IQCM: variants seen among roughly 807,000 people sequenced by gnomAD.
IQCM encodes IQ motif containing M, also known as IQ domain-containing protein M.
IQCM carries 45 observed loss-of-function variants against 57.6 expected under a neutral mutation model. The observed-to-expected ratio is 0.78, with a 90% CI of 0.62 to 1.00. The LOEUF (loss-of-function observed/expected upper bound fraction) is 1.00, where lower values mean the gene tolerates loss of function less well. Among genes scored for constraint, IQCM ranks in the 50% least tolerant of loss-of-function variants. The pLI, the probability that IQCM is intolerant of heterozygous loss-of-function variation, is 0.00. For synonymous variants in IQCM, 148 were observed against 158.9 expected (o/e 0.93, Z 0.51); for missense variants, 468 against 511.6 (o/e 0.91, Z 0.82).
chr4:149,733,320 TGG>T lies in IQCM; in HGVS notation c.307_308del (p.Pro103ThrfsTer12), dbSNP rs139195458. 6,329 of 1,231,820 alleles carry T rather than the reference TGG, an allele frequency of 5.1e-3. 218 individuals are homozygous for T. The African/African-American group carries it at 0.078, about 15-fold the overall frequency. The allele number at this position is 1,231,820 out of a possible 1,614,324, so 76.3% of individuals were successfully genotyped here. A position where few individuals can be genotyped will look rare whatever the true frequency, so the allele number is the denominator to read the frequency against. On this transcript the variant is annotated frameshift_variant, in exon 5 of 14. Transcript: ENST00000636793. LOFTEE classifies it high-confidence loss of function. ...GTGGTTCCTTGAAGGAGATTCGTTG[TGG>T]GGGTTCCTGAAGATGCTCGCTTTTG... ...LSKSEHLQEP[P>X]QRISFKEPHI...
intron 12 of IQCM, among the ~76,000 whole-genome samples, chr4:149,515,068 A>AT (rs1744805260): frequency 3.7e-5 from 2 of 53,364 alleles, no homozygotes; most frequent in African/African-American, 1.3e-4. Flanking sequence ...CCATATATAT[A>AT]CACGTGTGTG....
At chr4:149,692,712 A>C (rs10021578) in intron 5 of IQCM, among the ~76,000 whole-genome samples, 30,024 of 152,130 alleles carry the variant, frequency 0.2, 3,392 homozygotes, top group South Asian at 0.34. Context: ...ATAAACCTTT[A>C]GATGGCAACT....
chr4:149,710,312 C>T (rs181966454), intron 5 of IQCM, among the ~76,000 whole-genome samples: 10 of 152,210 alleles, frequency 6.6e-5, no homozygotes, highest in Middle Eastern at 3.4e-3. Context: ...GTTGTAAACC[C>T]AAGGCCCAGC....
intron 12 of IQCM, among the ~76,000 whole-genome samples, chr4:149,460,933 AT>A (rs1738206524): frequency 6.6e-6 from 1 of 152,178 alleles, no homozygotes; most frequent in East Asian, 1.9e-4. Context: ...CTTAAAAAAA[AT>A]CAATGTCAAA....
chr4:149,449,689 A>G (rs1381448233), intron 12 of IQCM, among the ~76,000 whole-genome samples: 1 of 151,452 alleles, frequency 6.6e-6, no homozygotes, highest in Non-Finnish European at 1.5e-5. Flanking sequence ...CTATAAAACA[A>G]TGATGAAAGA....
intron 12 of IQCM, among the ~76,000 whole-genome samples, chr4:149,466,120 C>A (rs985260570): frequency 1.3e-5 from 2 of 152,158 alleles, no homozygotes; most frequent in Non-Finnish European, 2.9e-5. Flanking sequence ...ATCAACATTG[C>A]GACATAGCTG....
At chr4:149,386,175 G>C (rs1731410211) in intron 13 of IQCM, among the ~76,000 whole-genome samples, 1 of 152,170 alleles carries the variant, frequency 6.6e-6, no homozygotes, top group East Asian at 1.9e-4. Flanking sequence ...TACTATTACT[G>C]TATAGCATGT....
chr4:149,772,812 C>T (rs1264396459), intron 2 of IQCM, among the ~76,000 whole-genome samples: 2 of 152,130 alleles, frequency 1.3e-5, no homozygotes, highest in African/African-American at 4.8e-5. Context: ...AACTAGATAT[C>T]ACTTTGAGTC....
intron 7 of IQCM, among the ~76,000 whole-genome samples, chr4:149,649,260 G>A (rs1758942704): frequency 6.6e-6 from 1 of 151,960 alleles, no homozygotes; most frequent in East Asian, 1.9e-4. Flanking sequence ...TGATGGAATG[G>A]GTTCCATTCT....
At chr4:149,746,052 A>C (rs1354521732) in intron 2 of IQCM, among the ~76,000 whole-genome samples, 2 of 152,052 alleles carry the variant, frequency 1.3e-5, no homozygotes, top group African/African-American at 4.8e-5. Flanking sequence ...AAAAAAAAAA[A>C]AGCCTTATCG....
At chr4:149,502,254 C>T (rs1743327521) in intron 12 of IQCM, among the ~76,000 whole-genome samples, 1 of 151,640 alleles carries the variant, frequency 6.6e-6, no homozygotes, top group Admixed American at 6.6e-5. Flanking sequence ...CAATTTTGTA[C>T]TCACAATAAA....
intron 12 of IQCM, among the ~76,000 whole-genome samples, chr4:149,452,649 T>C (rs1352845290): frequency 6.6e-6 from 1 of 151,642 alleles, no homozygotes; most frequent in Non-Finnish European, 1.5e-5. Flanking sequence ...ATATTGTGCA[T>C]AAGTGTATAC....
intron 2 of IQCM, among the ~76,000 whole-genome samples, chr4:149,743,889 A>C (rs543988834): frequency 1.8e-4 from 28 of 152,324 alleles, no homozygotes; most frequent in Middle Eastern, 3.4e-3. Context: ...ATGGCTTTAC[A>C]ATTAGAAATG....
intron 12 of IQCM, among the ~76,000 whole-genome samples, chr4:149,470,598 G>T (rs1386583226): frequency 6.6e-6 from 1 of 152,106 alleles, no homozygotes; most frequent in African/African-American, 2.4e-5. Flanking sequence ...TCCAGGAATT[G>T]AACTCAGCTC....
intron 12 of IQCM, among the ~76,000 whole-genome samples, chr4:149,539,637 G>A (rs1747652977): frequency 1.3e-5 from 2 of 152,254 alleles, no homozygotes; most frequent in Admixed American, 1.3e-4. Flanking sequence ...AAGGCAGACA[G>A]ATCGTCTGAG....
chr4:149,713,112 A>G (rs1025268032), intron 5 of IQCM, among the ~76,000 whole-genome samples: 6 of 152,194 alleles, frequency 3.9e-5, no homozygotes, highest in African/African-American at 1.2e-4. Context: ...GGCTACTTGA[A>G]ACAACACTGC....
intron 12 of IQCM, among the ~76,000 whole-genome samples, chr4:149,471,385 C>A (rs1399397296): frequency 6.6e-6 from 1 of 152,070 alleles, no homozygotes; most frequent in Admixed American, 6.5e-5. Flanking sequence ...GGATACATTC[C>A]AGGACACAAA....
At chr4:149,370,711 C>T (rs532853327) in intron 13 of IQCM, among the ~76,000 whole-genome samples, 22 of 152,088 alleles carry the variant, frequency 1.4e-4, no homozygotes, top group Non-Finnish European at 2.4e-4. Context: ...TTCTTCTAAC[C>T]TTTCCCTGTA....
intron 13 of IQCM, among the ~76,000 whole-genome samples, chr4:149,419,348 ACCATCTGGT>A (rs1733967655): frequency 1.3e-5 from 2 of 152,082 alleles, no homozygotes; most frequent in African/African-American, 4.8e-5. Flanking sequence ...AATATCTACA[ACCATCTGGT>A]CCTTGACAAA....
Sources: allele counts gnomAD v4.1 joint callset (sites outside exome capture counted in the v4.1 genomes callset), GRCh38; gene constraint gnomAD v4.1.1; transcripts MANE v1.5; gene names NCBI Gene and HGNC (gene_info 2026-07-23, HGNC 2026-07-21).